The following ERC2 variants were observed in gnomAD, a reference collection of about 807,000 sequenced individuals.
ERC2 encodes ELKS/RAB6-interacting/CAST family member 2.
In ERC2, 42 loss-of-function variants were observed where a neutral mutation model predicts 114.8. The ratio of observed to expected loss-of-function variants is 0.37; its 90% confidence interval spans 0.29 to 0.47. The LOEUF is 0.47. ERC2 is among the 20% of genes least tolerant of loss of function. The probability of loss-of-function intolerance (pLI) is 0.99; values close to 1 mark genes in which losing one functional copy is unlikely to be tolerated. For synonymous variants in ERC2, 454 were observed against 425.5 expected (o/e 1.07, Z -0.82); for missense variants, 939 against 1,150.7 (o/e 0.82, Z 2.66).
intron 3 of ERC2, among the ~76,000 whole-genome samples, chr3:56,230,169 T>C (rs1160672944): frequency 1.3e-5 from 2 of 151,588 alleles, no homozygotes; most frequent in African/African-American, 2.4e-5. Flanking sequence ...CCTGGCCAAA[T>C]ATCCAGTCTT....
chr3:56,150,839 AT>A (rs2081375765), intron 4 of ERC2, among the ~76,000 whole-genome samples: 1 of 152,100 alleles, frequency 6.6e-6, no homozygotes, highest in Non-Finnish European at 1.5e-5. Flanking sequence ...CTAACCCTCA[AT>A]GTGATGGTAT....
chr3:55,607,259 G>T (rs958071165), intron 17 of ERC2, among the ~76,000 whole-genome samples: 1 of 152,162 alleles, frequency 6.6e-6, no homozygotes, highest in African/African-American at 2.4e-5. Context: ...GTGCCATGGA[G>T]CACAAAGCAA....
chr3:56,021,725 CCT>C (rs2073726012), intron 7 of ERC2, among the ~76,000 whole-genome samples: 1 of 152,174 alleles, frequency 6.6e-6, no homozygotes. Context: ...CCTCCTCCCA[CCT>C]TCCCCACTCA....
chr3:55,634,514 G>T (rs907874914), intron 17 of ERC2, among the ~76,000 whole-genome samples: 1 of 152,166 alleles, frequency 6.6e-6, no homozygotes, highest in Admixed American at 6.5e-5. Flanking sequence ...GTAAAAGCCA[G>T]CATTCTTCCA....
intron 6 of ERC2, among the ~76,000 whole-genome samples, chr3:56,122,875 T>A (rs2079657286): frequency 2.0e-5 from 3 of 152,200 alleles, no homozygotes; most frequent in African/African-American, 7.2e-5. Context: ...GATTCTGCTG[T>A]CTCGTCGCTT....
chr3:55,666,438 G>T (rs868730382), intron 17 of ERC2, among the ~76,000 whole-genome samples: 3 of 152,186 alleles, frequency 2.0e-5, no homozygotes, highest in Non-Finnish European at 4.4e-5. Flanking sequence ...CCTCTGAGTA[G>T]TGTCAAAGGT....
intron 14 of ERC2, among the ~76,000 whole-genome samples, chr3:55,877,315 A>T (rs2062899752): frequency 6.6e-6 from 1 of 152,112 alleles, no homozygotes; most frequent in African/African-American, 2.4e-5. Flanking sequence ...TTAAGGCCTC[A>T]GAGAATCACT....
chr3:55,619,852 C>T (rs952440188), intron 17 of ERC2, among the ~76,000 whole-genome samples: 7 of 152,178 alleles, frequency 4.6e-5, no homozygotes, highest in African/African-American at 1.7e-4. Flanking sequence ...CTCTACATTA[C>T]AAGACAGAGC....
At chr3:55,593,622 C>G (rs987009871) in intron 17 of ERC2, among the ~76,000 whole-genome samples, 1 of 152,218 alleles carries the variant, frequency 6.6e-6, no homozygotes, top group South Asian at 2.1e-4. Context: ...TGACACCTTT[C>G]CTCCCCTAGT....
chr3:56,026,524 G>T (rs185013549), intron 7 of ERC2, among the ~76,000 whole-genome samples: 60 of 152,012 alleles, frequency 3.9e-4, no homozygotes, highest in African/African-American at 1.4e-3. Flanking sequence ...GTCATGATGA[G>T]GAGGAGGAGG....
At chr3:55,803,581 T>C (rs2059385382) in intron 14 of ERC2, among the ~76,000 whole-genome samples, 1 of 151,444 alleles carries the variant, frequency 6.6e-6, no homozygotes. Flanking sequence ...GATCAAAGAA[T>C]ATTTTGTATC....
intron 14 of ERC2, among the ~76,000 whole-genome samples, chr3:55,804,253 C>A (rs1223759175): frequency 6.6e-6 from 1 of 152,164 alleles, no homozygotes. Flanking sequence ...ATCCAAGTTA[C>A]CCTCAAAGGG....
intron 3 of ERC2, among the ~76,000 whole-genome samples, chr3:56,187,529 C>A (rs939821237): frequency 1.3e-5 from 2 of 152,104 alleles, no homozygotes; most frequent in African/African-American, 4.8e-5. Context: ...AGATGAGATG[C>A]ACGCACATAC....
rs532236868 is a variant in ERC2, at chr3:55,896,744, T to A, written c.2404-8195A>T. Among the ~76,000 whole-genome samples the A allele has an allele frequency of 2.0e-5, 3 of 152,356 alleles. No homozygotes were observed. In the South Asian group the frequency reaches 6.2e-4, roughly 32 times the overall value. On this transcript the variant is annotated intron_variant, in intron 13 of 17. Transcript: ENST00000288221. ...GATTTTATATCAAAGATTACATTTTTAAAATACATTGGCTTGGTGTTACAT... is the reference window on the plus strand; with the variant it reads ...GATTTTATATCAAAGATTACATTTTAAAAATACATTGGCTTGGTGTTACAT...
intron 7 of ERC2, among the ~76,000 whole-genome samples, chr3:56,023,573 C>T (rs181542935): frequency 2.0e-5 from 3 of 152,190 alleles, no homozygotes; most frequent in Admixed American, 6.5e-5. Flanking sequence ...CTTCTCCAAC[C>T]CCCTAAACCA....
At chr3:55,707,794 C>G (rs1180924086) in intron 15 of ERC2, among the ~76,000 whole-genome samples, 1 of 152,212 alleles carries the variant, frequency 6.6e-6, no homozygotes, top group East Asian at 1.9e-4. Flanking sequence ...TTAATAGCTG[C>G]TATGACAGAT....
At chr3:55,864,208 C>A (rs1220981304) in intron 14 of ERC2, among the ~76,000 whole-genome samples, 1 of 130,994 alleles carries the variant, frequency 7.6e-6, no homozygotes, top group South Asian at 2.5e-4. Context: ...CATATATATA[C>A]ACACATATAT....
chr3:55,738,763 T>A (rs2065797911), intron 14 of ERC2, among the ~76,000 whole-genome samples: 1 of 152,196 alleles, frequency 6.6e-6, no homozygotes, highest in Non-Finnish European at 1.5e-5. Flanking sequence ...AAAACAATCA[T>A]TTTTTAAAAT....
Position 56,198,138 on chromosome 3 carries a change from C to T in ERC2, c.1075-24618G>A, listed in dbSNP as rs375809897. On this transcript the variant is annotated intron_variant, in intron 3 of 17. Coordinates refer to ENST00000288221, the MANE Select transcript of ERC2 (RefSeq NM_015576.3). The stretch of plus-strand genomic sequence containing the variant: ...CAAGAAAAAGGGAAATTTGTCCATT[C>T]TGGACACATAACACTGGCACAGAGC... 1.1e-4 allele frequency among the ~76,000 whole-genome samples: 17 copies of T among 152,298 alleles called. No individual in the cohort carries two copies. In the South Asian group the frequency reaches 3.5e-3, roughly 32 times the overall value.
Sources: gnomAD v4.1 joint callset for allele counts (sites outside exome capture counted in the v4.1 genomes callset) on GRCh38, gnomAD v4.1.1 for gene constraint, MANE v1.5 for transcripts, NCBI Gene and HGNC (gene_info 2026-07-23, HGNC 2026-07-21) for gene names.